Variants in DNAH8 observed in about 807,000 individuals in gnomAD.
The protein encoded by DNAH8 is axonemal beta dynein heavy chain 8.
Under a neutral mutation model 562.1 loss-of-function variants are expected in DNAH8, and 382 were observed. That is an observed-to-expected ratio of 0.68 (90% CI 0.63 to 0.74). The LOEUF is 0.74. Ranked by LOEUF, DNAH8 falls within the 30% of genes least tolerant of loss-of-function variation. DNAH8 has a pLI of 0.00. For synonymous variants in DNAH8, 1,881 were observed against 1,919.4 expected, an observed-to-expected ratio of 0.98 and a Z score of 0.52; for missense variants, 5,203 against 5,620.4, an observed-to-expected ratio of 0.93 and a Z score of 2.37.
At chr6:38,867,057 G>A (rs1339925545) in intron 47 of DNAH8, among the ~76,000 whole-genome samples, 181 bp downstream of exon 47, 1 of 152,012 alleles carries the variant, frequency 6.6e-6, no homozygotes, top group Admixed American at 6.6e-5. Flanking sequence ...TGAAATAATT[G>A]TAGATTCACA....
Position 39,012,314 on chromosome 6 carries a change from A to T in DNAH8, c.13471A>T (p.Ser4491Cys). 6.2e-7 allele frequency: 1 copy of T among 1,613,430 alleles called. No homozygotes were observed. The highest frequency in any genetic ancestry group is 8.5e-7 in the Non-Finnish European group (1 of 1,179,400). The change falls in exon 90 of 93, where the codon AGT (serine) becomes TGT (cysteine). Residue 4491 changes from serine to cysteine, a missense_variant. By Grantham distance (112) the Ser-to-Cys change is moderately radical. Transcript: ENST00000327475. Reference protein sequence around the residue: ...RMQRVISILRSSLSDLKLAIE... With the variant: ...RMQRVISILRCSLSDLKLAIE... ...GCAAAGAGTCATTTCAATACTCCGC[A>T]GTAGCCTGAGTGATCTAAAATTGGC...
intron 41 of DNAH8, among the ~76,000 whole-genome samples, 180 bp from the exon 42 acceptor site, chr6:38,857,337 TC>T (rs1354181387): frequency 6.6e-6 from 1 of 152,228 alleles, no homozygotes; most frequent in Non-Finnish European, 1.5e-5. Flanking sequence ...CATTAATCTA[TC>T]TACTTTGAAA....
chr6:38,777,451 T>C (rs1403462686), intron 13 of DNAH8, among the ~76,000 whole-genome samples: 4 of 152,192 alleles, frequency 2.6e-5, no homozygotes, highest in African/African-American at 9.6e-5. Context: ...TTCTTCGTTT[T>C]CCAATGTTTG....
intron 85 of DNAH8, among the ~76,000 whole-genome samples, chr6:38,980,299 A>G (rs1226814995): frequency 1.3e-5 from 2 of 152,212 alleles, no homozygotes; most frequent in Admixed American, 1.3e-4. Context: ...ACATATATCA[A>G]TATGAAACAT....
chr6:38,889,517 T>C (rs1194066801), intron 57 of DNAH8, among the ~76,000 whole-genome samples: 1 of 152,190 alleles, frequency 6.6e-6, no homozygotes, highest in African/African-American at 2.4e-5. Flanking sequence ...GTTTGTTATT[T>C]GTTAAGCTAT....
intron 35 of DNAH8, among the ~76,000 whole-genome samples, chr6:38,845,259 G>A (rs76935131): frequency 0.025 from 3,878 of 152,180 alleles, 172 homozygotes; most frequent in African/African-American, 0.087. Context: ...GATAAACAGG[G>A]CAGCTGTGAT....
At chr6:38,725,155 T>A (rs1391196761) in intron 3 of DNAH8, among the ~76,000 whole-genome samples, 1 of 151,612 alleles carries the variant, frequency 6.6e-6, no homozygotes, top group Non-Finnish European at 1.5e-5. Flanking sequence ...ATACAAAAAT[T>A]AGCTGGGTGT....
chr6:38,960,578 T>C (rs773224098), intron 82 of DNAH8, among the ~76,000 whole-genome samples: 2 of 151,880 alleles, frequency 1.3e-5, no homozygotes, highest in African/African-American at 2.4e-5. Flanking sequence ...TGAGATATCA[T>C]CTCACCCCAA....
At chr6:39,003,547 T>C (rs1765615769) in intron 88 of DNAH8, among the ~76,000 whole-genome samples, 1 of 152,206 alleles carries the variant, frequency 6.6e-6, no homozygotes, top group Non-Finnish European at 1.5e-5. Flanking sequence ...AAAATCCTAC[T>C]GCAAAAATAC....
chr6:38,974,572 G>A, intron 85 of DNAH8, 43 bp downstream of exon 85: 1 of 1,545,410 alleles, frequency 6.5e-7, no homozygotes, highest in Non-Finnish European at 8.9e-7. Context: ...GATGGCCAGT[G>A]GTGTGCTGAG....
intron 26 of DNAH8, among the ~76,000 whole-genome samples, chr6:38,816,554 A>G (rs1414478663): frequency 6.6e-6 from 1 of 150,466 alleles, no homozygotes; most frequent in Admixed American, 6.7e-5. Flanking sequence ...ATAGGCGTGC[A>G]TGTATCCTTA....
At chr6:38,934,716 A>C (rs550381206) in intron 76 of DNAH8, among the ~76,000 whole-genome samples, 86 of 152,288 alleles carry the variant, frequency 5.6e-4, no homozygotes, top group African/African-American at 2.0e-3. Context: ...AAATTTCCTG[A>C]ATTTGAATAT....
intron 80 of DNAH8, 104 bp downstream of exon 80, chr6:38,945,692 G>C: frequency 1.3e-6 from 2 of 1,485,034 alleles, no homozygotes; most frequent in Non-Finnish European, 1.8e-6. Flanking sequence ...ACCCAAAAAA[G>C]TCAACCCAAT....
rs375655828 is a variant in DNAH8 at position 38,959,596 on chromosome 6, C to T, written c.12451+8076C>T. On this transcript the variant is annotated intron_variant, in intron 82 of 92. Coordinates refer to ENST00000327475, the MANE Select transcript of DNAH8 (RefSeq NM_001206927.2). ...AATCTCTACAATGAAAATTATTAAA[C>T]ATTGATGGAAGAAGTTGAAAAGGAC... Among the ~76,000 whole-genome samples the T allele has an allele frequency of 2.6e-5, 4 of 152,036 alleles. No individual in the cohort carries two copies. The South Asian group carries it at 8.3e-4, about 32-fold the overall frequency.
chr6:38,780,430 G>A (rs1279002327), intron 15 of DNAH8, among the ~76,000 whole-genome samples: 2 of 152,046 alleles, frequency 1.3e-5, no homozygotes, highest in Non-Finnish European at 2.9e-5. Flanking sequence ...CAGAGATATG[G>A]AATCAACCCA....
At chr6:38,822,697 A>T in intron 26 of DNAH8, 141 bp from the exon 27 acceptor site, 1 of 616,808 alleles carries the variant, frequency 1.6e-6, no homozygotes, top group Non-Finnish European at 2.6e-6. Context: ...ATAGCTCTTA[A>T]TTACTCAAAA....
intron 88 of DNAH8, among the ~76,000 whole-genome samples, chr6:38,991,013 G>A (rs1449703815): frequency 3.3e-5 from 5 of 152,172 alleles, no homozygotes; most frequent in African/African-American, 1.2e-4. Flanking sequence ...CTAAGAGTGG[G>A]GCATTCCTCT....
intron 9 of DNAH8, among the ~76,000 whole-genome samples, chr6:38,754,691 C>A (rs2127599094): frequency 6.6e-6 from 1 of 152,266 alleles, no homozygotes; most frequent in South Asian, 2.1e-4. Context: ...GTCTCAAAAT[C>A]TCCACTATGT....
At chr6:38,814,033 T>G (rs781714786) in intron 24 of DNAH8, 21 bp from the exon 25 acceptor site, 3 of 1,530,588 alleles carry the variant, frequency 2.0e-6, no homozygotes, top group South Asian at 2.3e-5. Context: ...GTTCATCAGC[T>G]AAATGTCCAT....
Sources: gnomAD v4.1 joint callset for allele counts (sites outside exome capture counted in the v4.1 genomes callset) on GRCh38, gnomAD v4.1.1 for gene constraint, MANE v1.5 for transcripts, NCBI Gene and HGNC (gene_info 2026-07-23, HGNC 2026-07-21) for gene names.